The following NCOR2 variants were observed in gnomAD, a reference collection of about 807,000 sequenced individuals.
NCOR2 encodes CTG repeat protein 26.
In NCOR2, 81 loss-of-function variants were observed where a neutral mutation model predicts 262.9. The ratio of observed to expected loss-of-function variants is 0.31; its 90% CI spans 0.26 to 0.37. The LOEUF (loss-of-function observed/expected upper bound fraction) is 0.37. Among genes scored for constraint, NCOR2 ranks in the 10% least tolerant of loss-of-function variants. NCOR2 has a pLI of 1.00. For missense variants in NCOR2, 3,385 were observed against 3,621.4 expected, an observed-to-expected ratio of 0.93 and a Z score of 1.68; for synonymous variants, 1,659 against 1,559.3, an observed-to-expected ratio of 1.06 and a Z score of -1.51.
chr12:124,358,018 G>T (rs534894480), intron 22 of NCOR2, among the ~76,000 whole-genome samples: 4 of 150,396 alleles, frequency 2.7e-5, no homozygotes, highest in East Asian at 2.0e-4. Flanking sequence ...GCACACGTGC[G>T]TGCATGTGTG....
chr12:124,408,405 T>C (rs1437023293), intron 13 of NCOR2, among the ~76,000 whole-genome samples: 1 of 152,062 alleles, frequency 6.6e-6, no homozygotes, highest in Non-Finnish European at 1.5e-5. Flanking sequence ...AGCCAGTGGC[T>C]ACCAGCTCAT....
At chr12:124,431,689 CACAT>C (rs1249215918) in intron 8 of NCOR2, among the ~76,000 whole-genome samples, 15 of 151,206 alleles carry the variant, frequency 9.9e-5, no homozygotes, top group Non-Finnish European at 1.9e-4. Context: ...CAGATACACA[CACAT>C]ACAGTCACAG....
chr12:124,457,059 G>GCCCCC lies in NCOR2; in HGVS notation c.762+46_762+47insGGGGG. The GCCCCC allele has an allele frequency of 1.7e-6, 1 of 594,422 alleles. No homozygotes were observed. Among genetic ancestry groups the GCCCCC allele is most frequent in the Non-Finnish European group, 2.6e-6 (1 of 377,726 alleles). The allele number at this position is 594,422 out of a possible 1,614,324, so 36.8% of individuals were successfully genotyped here. A position where few individuals can be genotyped will look rare whatever the true frequency, so the allele number is the denominator to read the frequency against. On this transcript the variant is annotated intron_variant, in intron 6 of 46. Coordinates refer to ENST00000405201, the Ensembl canonical transcript of NCOR2. This position sits in a 1 kb window ranked among gnomAD's most constrained non-coding sequence, Gnocchi z 4.0. ...TCCCGCCTCCCTGCCCACCTCTCCA[G>GCCCCC]CCACCCCCGCCCTCCCCTGAGCCCC... is the stretch of plus-strand genomic sequence containing the variant.
chr12:124,410,808 C>T (rs1260537895), intron 13 of NCOR2, among the ~76,000 whole-genome samples: 2 of 152,192 alleles, frequency 1.3e-5, no homozygotes, highest in Admixed American at 1.3e-4. Flanking sequence ...TGCCCTGGAA[C>T]AGCCTTCCCG....
upstream of NCOR2, among the ~76,000 whole-genome samples, chr12:124,540,210 C>CA (rs1193175023): frequency 4.2e-5 from 6 of 144,086 alleles, no homozygotes. Flanking sequence ...GGCGACCCAG[C>CA]AGTGGTGGGA....
intron 1 of NCOR2, among the ~76,000 whole-genome samples, chr12:124,527,566 C>T (rs1188844606): frequency 1.3e-5 from 2 of 152,016 alleles, no homozygotes; most frequent in African/African-American, 2.4e-5. Flanking sequence ...TACAGGCGCC[C>T]GCCACCACGC....
At chr12:124,383,094 G>A (rs2040530986) in intron 17 of NCOR2, among the ~76,000 whole-genome samples, 1 of 152,206 alleles carries the variant, frequency 6.6e-6, no homozygotes, top group Non-Finnish European at 1.5e-5. Context: ...CACCATCACA[G>A]CTCTCACTAG....
chr12:124,336,482 G>T (rs536353923), intron 38 of NCOR2: 4 of 647,638 alleles, frequency 6.2e-6, no homozygotes, highest in East Asian at 4.5e-5. Flanking sequence ...GGCGCGGCCG[G>T]AGTAGTCGTC....
chr12:124,520,179 C>A (rs1443788234), intron 1 of NCOR2, among the ~76,000 whole-genome samples: 1 of 152,198 alleles, frequency 6.6e-6, no homozygotes, highest in East Asian at 1.9e-4. Context: ...TTTCCGTAGA[C>A]CTGCCCCAAA....
chr12:124,543,184 TG>T (rs2051429283), intron 1 of NCOR2, among the ~76,000 whole-genome samples: 1 of 151,514 alleles, frequency 6.6e-6, no homozygotes, highest in African/African-American at 2.4e-5. Flanking sequence ...AGTAGGGAGG[TG>T]GGGATGGGCC....
At chr12:124,455,296 G>A (rs867731824) in intron 6 of NCOR2, among the ~76,000 whole-genome samples, 2 of 152,234 alleles carry the variant, frequency 1.3e-5, no homozygotes, top group African/African-American at 2.4e-5. Flanking sequence ...AGCTGCTGCT[G>A]CTGAAAACTT....
intron 1 of NCOR2, among the ~76,000 whole-genome samples, chr12:124,492,809 C>G (rs114133550): frequency 3.9e-5 from 6 of 152,332 alleles, no homozygotes; most frequent in African/African-American, 1.4e-4. Context: ...AAAGCGGCTC[C>G]ACCCTGCAAT....
intron 1 of NCOR2, among the ~76,000 whole-genome samples, chr12:124,563,003 G>A (rs1196881525): frequency 6.6e-6 from 1 of 152,174 alleles, no homozygotes; most frequent in Admixed American, 6.5e-5. Context: ...CTCACAATAG[G>A]TAAGTAACTC....
chr12:124,377,887 A>T (rs1428254275), intron 18 of NCOR2, among the ~76,000 whole-genome samples: 1 of 151,914 alleles, frequency 6.6e-6, no homozygotes, highest in Non-Finnish European at 1.5e-5. Context: ...TTTTTTTCTA[A>T]ACTGTGACAT....
At chr12:124,534,577 G>T (rs551335707) in intron 1 of NCOR2, among the ~76,000 whole-genome samples, 4 of 152,156 alleles carry the variant, frequency 2.6e-5, no homozygotes, top group African/African-American at 9.7e-5. Flanking sequence ...GAAATCTCCC[G>T]ACAACAGCCT....
chr12:124,404,058 C>T (rs2042130973), intron 13 of NCOR2, among the ~76,000 whole-genome samples: 1 of 152,246 alleles, frequency 6.6e-6, no homozygotes, highest in South Asian at 2.1e-4. Flanking sequence ...CTCTCCTGAC[C>T]TCGAACCCTC....
intron 20 of NCOR2, among the ~76,000 whole-genome samples, chr12:124,365,684 A>G (rs1042752034): frequency 6.6e-6 from 1 of 151,878 alleles, no homozygotes; most frequent in Non-Finnish European, 1.5e-5. Context: ...TGACTTCTGC[A>G]TGCACCTCCA....
chr12:124,324,790 G>A (rs187810922), exon 47 of NCOR2: 14 of 152,632 alleles, frequency 9.2e-5, no homozygotes, highest in African/African-American at 3.1e-4. Context: ...AACGATGTGT[G>A]AAAAAAACAG....
At chr12:124,354,259 T>G (rs1434086613) in intron 26 of NCOR2, 63 bp from the exon 29 acceptor site, 1 of 1,474,152 alleles carries the variant, frequency 6.8e-7, no homozygotes, top group Non-Finnish European at 9.2e-7. Flanking sequence ...CAGGCCCCAG[T>G]CCTGAGAGCC....
Sources: gnomAD v4.1 joint callset for allele counts (sites outside exome capture counted in the v4.1 genomes callset) on GRCh38, gnomAD v4.1.1 for gene constraint, Gnocchi (gnomAD v3.1) non-coding constraint, MANE v1.5 for transcripts, NCBI Gene and HGNC (gene_info 2026-07-23, HGNC 2026-07-21) for gene names.